The following PDE7B variants were observed in gnomAD, a reference collection of about 807,000 sequenced individuals.
The protein encoded by PDE7B is 3',5'-cyclic-AMP phosphodiesterase 7B.
Under a neutral mutation model 56.2 loss-of-function variants are expected in PDE7B, and 29 were observed. The observed-to-expected ratio is 0.52, with a 90% CI of 0.38 to 0.70. The LOEUF (loss-of-function observed/expected upper bound fraction) is 0.70, where lower values mean the gene tolerates loss of function less well. Ranked by LOEUF, PDE7B falls within the 30% of genes least tolerant of loss-of-function variation. The pLI is 0.00. For missense variants in PDE7B, 490 were observed against 565.0 expected (o/e 0.87, Z 1.35); for synonymous variants, 197 against 196.9 (o/e 1.00, Z 0.00).
intron 2 of PDE7B, among the ~76,000 whole-genome samples, chr6:135,957,119 C>A (rs1490107135): frequency 1.3e-5 from 2 of 152,020 alleles, no homozygotes. Flanking sequence ...TCCCCGTGGG[C>A]GAGGAAGCAT....
chr6:135,883,946 C>G (rs190578032), intron 1 of PDE7B, among the ~76,000 whole-genome samples: 2 of 152,172 alleles, frequency 1.3e-5, no homozygotes, highest in African/African-American at 4.8e-5. Flanking sequence ...ATTTCCCCAT[C>G]GGCAAAGTCA....
At chr6:136,107,580 A>G (rs1383028679) in intron 2 of PDE7B, among the ~76,000 whole-genome samples, 1 of 151,990 alleles carries the variant, frequency 6.6e-6, no homozygotes, top group Non-Finnish European at 1.5e-5. Context: ...ATTTATTGCC[A>G]GGCAGTGAGT....
intron 2 of PDE7B, among the ~76,000 whole-genome samples, chr6:136,065,515 T>C (rs1054708771): frequency 6.6e-6 from 1 of 152,104 alleles, no homozygotes; most frequent in African/African-American, 2.4e-5. Context: ...AATCCCAGGG[T>C]GCCAGGAATA....
chr6:136,138,667 GTTAA>G (rs1483245236), intron 3 of PDE7B, among the ~76,000 whole-genome samples: 1 of 152,042 alleles, frequency 6.6e-6, no homozygotes, highest in African/African-American at 2.4e-5. Flanking sequence ...TCATTTGCTT[GTTAA>G]TTAAAGGATA....
At chr6:136,168,650 G>A (rs1169441121) in intron 8 of PDE7B, among the ~76,000 whole-genome samples, 1 of 151,918 alleles carries the variant, frequency 6.6e-6, no homozygotes, top group Admixed American at 6.6e-5. Flanking sequence ...TTCTATGAAA[G>A]GAATGATTGG....
intron 1 of PDE7B, among the ~76,000 whole-genome samples, chr6:135,914,825 T>C (rs1776272680): frequency 6.9e-6 from 1 of 145,458 alleles, no homozygotes; most frequent in African/African-American, 2.5e-5. Flanking sequence ...CCTGGCGTGG[T>C]GGCTCACGCC....
At chr6:135,867,397 A>AT (rs1294791696) in intron 1 of PDE7B, among the ~76,000 whole-genome samples, 1 of 152,220 alleles carries the variant, frequency 6.6e-6, no homozygotes, top group Admixed American at 6.5e-5. Context: ...AATTGAAAAC[A>AT]TGTTAATACA....
intron 3 of PDE7B, among the ~76,000 whole-genome samples, chr6:136,121,043 T>C (rs1777925699): frequency 6.6e-6 from 1 of 152,228 alleles, no homozygotes; most frequent in Middle Eastern, 3.4e-3. Context: ...GTGGGTAATA[T>C]CATCTATAAG....
At chr6:136,112,981 C>G (rs570320153) in intron 3 of PDE7B, among the ~76,000 whole-genome samples, 90 of 152,080 alleles carry the variant, frequency 5.9e-4, no homozygotes, top group Non-Finnish European at 1.1e-3. Flanking sequence ...GATTTGGACA[C>G]TAAATTACAA....
chr6:136,054,475 A>T (rs897842949), intron 2 of PDE7B, among the ~76,000 whole-genome samples: 3 of 152,140 alleles, frequency 2.0e-5, no homozygotes, highest in African/African-American at 7.2e-5. Flanking sequence ...GTATAGTTTG[A>T]AGTCAGGTAG....
chr6:135,925,276 G>A (rs866037079), intron 1 of PDE7B, among the ~76,000 whole-genome samples: 17 of 152,132 alleles, frequency 1.1e-4, no homozygotes, highest in Middle Eastern at 6.8e-3. Context: ...GTGAACACTG[G>A]GGAATGTTAT....
At chr6:136,122,972 A>G (rs977673551) in intron 3 of PDE7B, among the ~76,000 whole-genome samples, 1 of 151,674 alleles carries the variant, frequency 6.6e-6, no homozygotes. Flanking sequence ...TCATTTATTC[A>G]CTCCATTCGT....
intron 11 of PDE7B, 129 bp from the exon 12 acceptor site, chr6:136,186,907 A>G: frequency 4.5e-6 from 3 of 672,246 alleles, no homozygotes; most frequent in Non-Finnish European, 7.9e-6. Context: ...AGGGTCCCTA[A>G]GGGATAACAA....
intron 2 of PDE7B, among the ~76,000 whole-genome samples, chr6:136,057,767 T>C (rs978871432): frequency 1.3e-5 from 2 of 152,146 alleles, no homozygotes; most frequent in Non-Finnish European, 2.9e-5. Flanking sequence ...GACGGAGTCT[T>C]GTTCTGTCAC....
rs1583760517 is a variant in PDE7B at position 135,909,218 on chromosome 6, G to A, written c.22-38246G>A. On this transcript the variant is annotated intron_variant, in intron 1 of 12. Coordinates refer to ENST00000308191, the MANE Select transcript of PDE7B (RefSeq NM_018945.4). ...GTCATTTCCTCTGGATAGATGAAGA[G>A]GAATGCGAGTGTGTAGAGAAACAGA... Among the ~76,000 whole-genome samples the A allele has an allele frequency of 2.6e-5, 4 of 152,182 alleles. No individual in the cohort carries two copies. The East Asian group carries it at 7.7e-4, about 29-fold the overall frequency.
chr6:136,176,347 C>T (rs140817476), intron 9 of PDE7B, among the ~76,000 whole-genome samples: 2 of 152,126 alleles, frequency 1.3e-5, no homozygotes, highest in East Asian at 3.9e-4. Context: ...AAAATATCAA[C>T]CATAATCCCA....
chr6:136,179,267 T>A (rs1484299263), intron 10 of PDE7B, 126 bp downstream of exon 10: 2 of 779,598 alleles, frequency 2.6e-6, no homozygotes, highest in Non-Finnish European at 4.3e-6. Flanking sequence ...CTTGAGTCCA[T>A]GAGTTCAAGG....
At chr6:136,052,317 A>C (rs906718480) in intron 2 of PDE7B, among the ~76,000 whole-genome samples, 16 of 152,218 alleles carry the variant, frequency 1.1e-4, no homozygotes, top group African/African-American at 3.9e-4. Flanking sequence ...TATCTCCAGG[A>C]AGATTTGCTG....
intron 7 of PDE7B, among the ~76,000 whole-genome samples, 181 bp downstream of exon 7, chr6:136,154,356 G>A (rs995849090): frequency 2.0e-4 from 30 of 151,074 alleles, no homozygotes; most frequent in African/African-American, 6.4e-4. Context: ...TCACGAAAAA[G>A]GATGAGACTC....
Sources: gnomAD v4.1 joint callset for allele counts (sites outside exome capture counted in the v4.1 genomes callset) on GRCh38, gnomAD v4.1.1 for gene constraint, MANE v1.5 for transcripts, NCBI Gene and HGNC (gene_info 2026-07-23, HGNC 2026-07-21) for gene names.